Variants in ACSM2B observed in about 807,000 individuals in gnomAD.
ACSM2B encodes acyl-coenzyme A synthetase ACSM2B, mitochondrial.
Under a neutral mutation model 78.6 loss-of-function variants are expected in ACSM2B, and 58 were observed. The ratio of observed to expected loss-of-function variants is 0.74; its 90% CI spans 0.60 to 0.92. The LOEUF is 0.92. Among genes scored for constraint, ACSM2B ranks in the 40% least tolerant of loss-of-function variants. The probability of loss-of-function intolerance (pLI) is 0.00; values close to 1 mark genes in which losing one functional copy is unlikely to be tolerated. For missense variants in ACSM2B, 688 were observed against 711.2 expected (o/e 0.97, Z 0.37); for synonymous variants, 257 against 256.8 (o/e 1.00, Z -0.01).
Position 20,554,042 on chromosome 16 carries a change from G to T in ACSM2B, c.597-122C>A, listed in dbSNP as rs1170940143. On this transcript the variant is annotated intron_variant, in intron 4 of 13. Transcript: ENST00000329697. ...GCAAGTTGATGGACCCACCTCACAA[G>T]AGAGGCTGCTGAGTGATTAAGATCA... 4.0e-6 allele frequency: 5 copies of T among 1,244,982 alleles called. No homozygotes were observed. The Admixed American group carries it at 7.9e-5, about 20-fold the overall frequency. The allele number at this position is 1,244,982 out of a possible 1,614,324, so 77.1% of individuals were successfully genotyped here.
chr16:20,544,782 G>T, intron 10 of ACSM2B: 2 of 991,118 alleles, frequency 2.0e-6, no homozygotes, highest in Non-Finnish European at 2.4e-6. Flanking sequence ...GCCTGGCATG[G>T]CTCTAAAGAA....
At position 20,547,160 on chromosome 16, in the gene ACSM2B, A is replaced by C. The variant is rs535856990; in HGVS notation, c.1099-686T>G. On this transcript the variant is annotated intron_variant, in intron 8 of 13. Coordinates refer to ENST00000329697, the MANE Select transcript of ACSM2B (RefSeq NM_001105069.2). ...CGCCACCCACTGTGCTGGAAAGGGC[A>C]AGTTGATTGACCCACCTCAGAAGAG... The C allele has an allele frequency of 7.9e-6, 8 of 1,014,912 alleles. No homozygotes were observed. In the South Asian group the frequency reaches 3.3e-4, roughly 42 times the overall value. The allele number at this position is 1,014,912 out of a possible 1,614,324, so 62.9% of individuals were successfully genotyped here.
chr16:20,540,145 G>T (rs1050799639), intron 13 of ACSM2B, among the ~76,000 whole-genome samples: 1 of 151,776 alleles, frequency 6.6e-6, no homozygotes, highest in Non-Finnish European at 1.5e-5. Flanking sequence ...AAAAGCTGAG[G>T]TCATTTTTCA....
Position 20,554,094 on chromosome 16 carries a change from G to A in ACSM2B, c.597-174C>T, listed in dbSNP as rs565695746. ...GGGAGCCTGAGTCAATCAGAGTTGG[G>A]TTTGAAAACTACTCAAGTTTGGCAC... On this transcript the variant is annotated intron_variant, in intron 4 of 13. Coordinates refer to ENST00000329697, the MANE Select transcript of ACSM2B (RefSeq NM_001105069.2). 28 of 1,025,426 alleles carry A rather than the reference G, an allele frequency of 2.7e-5. No homozygotes were observed. The African/African-American group carries it at 4.4e-4, about 16-fold the overall frequency. 63.5% of individuals were successfully genotyped at this position (1,025,426 alleles called of 1,614,324 possible).
At chr16:20,551,986 G>C (rs917857062) in intron 6 of ACSM2B, among the ~76,000 whole-genome samples, 158 bp downstream of exon 6, 2 of 152,114 alleles carry the variant, frequency 1.3e-5, no homozygotes, top group African/African-American at 2.4e-5. Flanking sequence ...TGAGCTCTGC[G>C]AGGTCAGGGA....
At chr16:20,556,312 A>T (rs2015473145) in intron 3 of ACSM2B, among the ~76,000 whole-genome samples, 1 of 152,256 alleles carries the variant, frequency 6.6e-6, no homozygotes, top group Non-Finnish European at 1.5e-5. Flanking sequence ...TAGAATAACT[A>T]GACTTAGGGC....
In ACSM2B at chr16:20,557,531, T is replaced by C. The variant is rs370833427; in HGVS notation, c.388+1706A>G. 1.8e-4 allele frequency among the ~76,000 whole-genome samples: 28 copies of C among 152,296 alleles called. 1 individual carries two copies. The highest frequency in any genetic ancestry group is 5.8e-4 in the African/African-American group (24 of 41,560). On this transcript the variant is annotated intron_variant, in intron 3 of 13. Transcript: ENST00000329697. ...TCCACTATTGCCTTCCTCATCCCAT[T>C]CCCTATTGAGCATCCAATATGACCA...
intron 3 of ACSM2B, among the ~76,000 whole-genome samples, 154 bp from the exon 4 acceptor site, chr16:20,555,630 C>G (rs1043698382): frequency 1.8e-4 from 27 of 152,048 alleles, no homozygotes; most frequent in African/African-American, 6.3e-4. Flanking sequence ...GGACTAAGGA[C>G]TAGGGAGTGA....
intron 1 of ACSM2B, among the ~76,000 whole-genome samples, chr16:20,569,248 A>T (rs373943575): frequency 3.3e-5 from 5 of 151,862 alleles, no homozygotes; most frequent in South Asian, 2.1e-4. Flanking sequence ...GTATAAGGTG[A>T]TATATGAAGA....
chr16:20,545,940 C>T (rs558628275), intron 9 of ACSM2B, among the ~76,000 whole-genome samples: 1 of 152,288 alleles, frequency 6.6e-6, no homozygotes, highest in South Asian at 2.1e-4. Context: ...AAAACTGGGA[C>T]ATCATCCCTT....
chr16:20,567,601 T>C (rs1286431248), intron 1 of ACSM2B, among the ~76,000 whole-genome samples: 1 of 135,258 alleles, frequency 7.4e-6, no homozygotes, highest in Non-Finnish European at 1.6e-5. Context: ...ATATAAGATA[T>C]ATAATATATA....
intron 3 of ACSM2B, among the ~76,000 whole-genome samples, chr16:20,555,964 C>G (rs896914921): frequency 3.3e-5 from 5 of 152,070 alleles, no homozygotes; most frequent in African/African-American, 1.2e-4. Context: ...TTTTACATAT[C>G]TATGTACACA....
At chr16:20,540,234 T>TG (rs149492058) in intron 13 of ACSM2B, among the ~76,000 whole-genome samples, 3 of 30,058 alleles carry the variant, frequency 1.0e-4, no homozygotes, top group African/African-American at 1.6e-4. Flanking sequence ...GTTTTTTTTT[T>TG]TTGTTTGTTT....
chr16:20,568,035 C>T (rs1243429683), intron 1 of ACSM2B, among the ~76,000 whole-genome samples: 1 of 143,146 alleles, frequency 7.0e-6, no homozygotes, highest in Non-Finnish European at 1.5e-5. Flanking sequence ...TGCTACACTC[C>T]TGTGCCTTTC....
Position 20,559,719 on chromosome 16 carries a change from TA to T in ACSM2B, c.178-273del, listed in dbSNP as rs2015592206. On this transcript the variant is annotated intron_variant, in intron 2 of 13. Coordinates refer to ENST00000329697, the MANE Select transcript of ACSM2B (RefSeq NM_001105069.2). ...TAAACCCATTATATATTAGCATGCA[TA>T]ATTTTTTTATAATGATAAAGTGTAC... Among the ~76,000 whole-genome samples the T allele has an allele frequency of 1.5e-5, 2 of 137,578 alleles. 1 individual carries two copies. Among genetic ancestry groups the T allele is most frequent in the African/African-American group, 7.2e-5 (2 of 27,834 alleles). The allele number at this position is 137,578 out of a possible 152,430, so 90.3% of individuals were successfully genotyped here.
At chr16:20,557,237 A>T (rs943620319) in intron 3 of ACSM2B, among the ~76,000 whole-genome samples, 1 of 152,172 alleles carries the variant, frequency 6.6e-6, no homozygotes, top group Non-Finnish European at 1.5e-5. Context: ...TCACATGGAC[A>T]TCCTGGACTC....
At chr16:20,544,350 G>A (rs751718333) in intron 10 of ACSM2B, among the ~76,000 whole-genome samples, 1 of 152,188 alleles carries the variant, frequency 6.6e-6, no homozygotes, top group Non-Finnish European at 1.5e-5. Context: ...CTAAGATCAC[G>A]CTATACATAG....
chr16:20,575,461 G>A (rs1211414732), intron 1 of ACSM2B: 1 of 150,410 alleles, frequency 6.6e-6, no homozygotes, highest in African/African-American at 2.5e-5. Flanking sequence ...TGCAGGCTGA[G>A]GTGCAAGGAG....
At chr16:20,575,594 C>A (rs1161652845) in intron 1 of ACSM2B, 19 of 150,846 alleles carry the variant, frequency 1.3e-4, no homozygotes, top group Non-Finnish European at 2.4e-4. Flanking sequence ...TATTTTTCTG[C>A]CTCCTTATAT....
Sources: gnomAD v4.1 joint callset for allele counts (sites outside exome capture counted in the v4.1 genomes callset) on GRCh38, gnomAD v4.1.1 for gene constraint, MANE v1.5 for transcripts, NCBI Gene and HGNC (gene_info 2026-07-23, HGNC 2026-07-21) for gene names.